ARID5B: variants seen among roughly 807,000 people sequenced by gnomAD.
ARID5B encodes AT-rich interaction domain 5B.
A neutral mutation model predicts 97.2 loss-of-function variants in ARID5B; 13 were observed. The ratio of observed to expected loss-of-function variants is 0.13; its 90% CI spans 0.09 to 0.21. ARID5B has a LOEUF of 0.21. Among genes scored for constraint, ARID5B ranks in the 10% least tolerant of loss-of-function variants. ARID5B has a pLI of 1.00. For synonymous variants in ARID5B, 556 were observed against 570.3 expected (o/e 0.97, Z 0.36); for missense variants, 1,210 against 1,465.3 (o/e 0.83, Z 2.84).
At chr10:61,953,495 T>C (rs1317182823) in intron 3 of ARID5B, among the ~76,000 whole-genome samples, 1 of 152,168 alleles carries the variant, frequency 6.6e-6, no homozygotes, top group Non-Finnish European at 1.5e-5. Context: ...CATTGATTTG[T>C]ATTAATGTTT....
intron 2 of ARID5B, among the ~76,000 whole-genome samples, chr10:61,916,355 T>C (rs996231270): frequency 1.3e-5 from 2 of 152,208 alleles, no homozygotes; most frequent in African/African-American, 4.8e-5. Context: ...TTTCGCACTA[T>C]AGTGGCAGAG....
In ARID5B at chr10:61,902,152, C is replaced by G. The variant is rs1327172984; in HGVS notation, c.22-7C>G. 2.5e-6 allele frequency: 4 copies of G among 1,610,870 alleles called. No individual in the cohort carries two copies. Among genetic ancestry groups the G allele is most frequent in the Non-Finnish European group, 3.4e-6 (4 of 1,179,312 alleles). ...TATTTATTTGGTGTTTTTTTCCCCC[C>G]CTGCAGTGGGTCGGCTCACCGTGTG... On this transcript the variant is annotated splice_region_variant and splice_polypyrimidine_tract_variant and intron_variant, in intron 1 of 9. Coordinates refer to ENST00000279873, the MANE Select transcript of ARID5B (RefSeq NM_032199.3).
chr10:61,953,763 G>A (rs1456895941), intron 3 of ARID5B, among the ~76,000 whole-genome samples: 1 of 152,160 alleles, frequency 6.6e-6, no homozygotes, highest in Admixed American at 6.5e-5. Context: ...CCCAGGACTT[G>A]GGAAGATTAC....
intron 7 of ARID5B, among the ~76,000 whole-genome samples, chr10:62,062,656 T>C (rs1197364085): frequency 6.6e-6 from 1 of 152,008 alleles, no homozygotes; most frequent in Non-Finnish European, 1.5e-5. Context: ...TTCTGACAAG[T>C]ATTTTTGCAT....
chr10:62,082,095 C>A (rs1338465498), intron 8 of ARID5B, among the ~76,000 whole-genome samples: 2 of 152,130 alleles, frequency 1.3e-5, no homozygotes, highest in African/African-American at 4.8e-5. Context: ...AAAAGGCCCC[C>A]CTACTGTTTC....
chr10:61,944,488 A>G (rs1020270025), intron 3 of ARID5B, among the ~76,000 whole-genome samples: 1 of 152,092 alleles, frequency 6.6e-6, no homozygotes, highest in African/African-American at 2.4e-5. Flanking sequence ...GCAAACTTGC[A>G]TTTTTTTATT....
At chr10:61,927,471 G>A (rs1844127835) in intron 2 of ARID5B, among the ~76,000 whole-genome samples, 1 of 152,124 alleles carries the variant, frequency 6.6e-6, no homozygotes, top group African/African-American at 2.4e-5. Context: ...TTCCAACATG[G>A]TACATTCAGA....
In ARID5B at chr10:62,085,766, C is replaced by G. The variant is rs1322089786; in HGVS notation, c.1264C>G (p.Pro422Ala). 2.5e-6 allele frequency: 4 copies of G among 1,613,918 alleles called. No individual in the cohort carries two copies. The Admixed American group carries it at 6.7e-5, about 27-fold the overall frequency. Residue 422 changes from proline (P) to alanine (A), a missense_variant, in exon 9 of 10, where the codon CCT becomes GCT. Pro to Ala is a conservative substitution (Grantham distance 27). Coordinates refer to ENST00000279873, the MANE Select transcript of ARID5B (RefSeq NM_032199.3). ...AGATAAGCCCCTGCCTCCAATCAAA[C>G]CTCGGAAACAGGAGAACAGTTCACA... The part of the protein sequence containing the change: ...EEDKPLPPIK[P>A]RKQENSSQEN...
chr10:62,014,435 G>A (rs754266058), intron 4 of ARID5B, among the ~76,000 whole-genome samples: 32 of 152,280 alleles, frequency 2.1e-4, no homozygotes, highest in East Asian at 3.9e-4. Context: ...AAGAAGTAGC[G>A]GCTGAAGGTA....
chr10:62,072,519 C>T (rs1224681509), intron 8 of ARID5B, among the ~76,000 whole-genome samples: 11 of 152,144 alleles, frequency 7.2e-5, no homozygotes, highest in Admixed American at 5.2e-4. Flanking sequence ...ATAGGCCATC[C>T]GCCAAGTGGG....
chr10:61,919,189 C>G (rs763079948), intron 2 of ARID5B, among the ~76,000 whole-genome samples: 4 of 152,094 alleles, frequency 2.6e-5, no homozygotes, highest in Non-Finnish European at 5.9e-5. Flanking sequence ...TCCACCCTGC[C>G]CTTTCATGAT....
chr10:61,918,189 A>T (rs970556645), intron 2 of ARID5B, among the ~76,000 whole-genome samples: 2 of 152,198 alleles, frequency 1.3e-5, no homozygotes, highest in African/African-American at 2.4e-5. Context: ...ATAAATTCAC[A>T]TGTCTGTTTT....
At chr10:62,059,850 A>G (rs1478886041) in intron 7 of ARID5B, among the ~76,000 whole-genome samples, 4 of 152,192 alleles carry the variant, frequency 2.6e-5, no homozygotes, top group Non-Finnish European at 5.9e-5. Context: ...ACTGACAGCA[A>G]TGGGTTATTT....
At chr10:61,966,761 G>A (rs2132828269) in intron 3 of ARID5B, among the ~76,000 whole-genome samples, 2 of 152,154 alleles carry the variant, frequency 1.3e-5, no homozygotes, top group South Asian at 2.1e-4. Context: ...TAATTTCTAG[G>A]TGAAACATCC....
chr10:61,990,611 C>T (rs748225497), intron 3 of ARID5B, among the ~76,000 whole-genome samples: 6 of 152,138 alleles, frequency 3.9e-5, no homozygotes, highest in African/African-American at 9.7e-5. Flanking sequence ...ATTAGGACAC[C>T]GATTCTGTGC....
intron 3 of ARID5B, among the ~76,000 whole-genome samples, chr10:61,940,761 A>G (rs1210616555): frequency 6.6e-6 from 1 of 151,094 alleles, no homozygotes; most frequent in African/African-American, 2.4e-5. Context: ...TATTAACACC[A>G]TGTCCCAATT....
rs777310409 is a variant in ARID5B, at chr10:62,057,224, G to A, written c.954G>A (p.Arg318=). 3.1e-6 allele frequency: 5 copies of A among 1,613,678 alleles called. No individual in the cohort carries two copies. In the East Asian group the frequency reaches 1.1e-4, roughly 36 times the overall value. Residue 318 remains arginine, a synonymous_variant, in exon 6 of 10, where the codon AGG becomes AGA. Transcript: ENST00000279873. ...KPKVAIGEEC[R]ADEQAFLVAL... ...AGGTTGCCATTGGTGAAGAGTGCAGGGCAGATGAACAAGCCTTCTTGGTGG... is the reference window on the plus strand; with the variant it reads ...AGGTTGCCATTGGTGAAGAGTGCAGAGCAGATGAACAAGCCTTCTTGGTGG...
intron 3 of ARID5B, among the ~76,000 whole-genome samples, chr10:61,958,771 G>A (rs1838429066): frequency 6.6e-6 from 1 of 152,144 alleles, no homozygotes; most frequent in Non-Finnish European, 1.5e-5. Flanking sequence ...TGACCTTTTT[G>A]TTGTCTCCGA....
At chr10:62,025,695 G>C (rs1192229453) in intron 4 of ARID5B, among the ~76,000 whole-genome samples, 1 of 151,252 alleles carries the variant, frequency 6.6e-6, no homozygotes, top group Non-Finnish European at 1.5e-5. Flanking sequence ...TGCATGTTGA[G>C]AAGTATAGGT....
Sources: gnomAD v4.1 joint callset for allele counts (sites outside exome capture counted in the v4.1 genomes callset) on GRCh38, gnomAD v4.1.1 for gene constraint, MANE v1.5 for transcripts, NCBI Gene and HGNC (gene_info 2026-07-23, HGNC 2026-07-21) for gene names.